CCDC150: variants seen among roughly 807,000 people sequenced by gnomAD.
CCDC150 encodes coiled-coil domain containing 150.
A neutral mutation model predicts 156.5 loss-of-function variants in CCDC150; 151 were observed. That is an observed-to-expected ratio of 0.97 (90% CI 0.85 to 1.10). The LOEUF (loss-of-function observed/expected upper bound fraction) is 1.10. Among genes scored for constraint, CCDC150 ranks in the 50% least tolerant of loss-of-function variants. The probability of loss-of-function intolerance (pLI) is 0.00; values close to 1 mark genes in which losing one functional copy is unlikely to be tolerated. For synonymous variants in CCDC150, 452 were observed against 429.4 expected, an observed-to-expected ratio of 1.05 and a Z score of -0.65; for missense variants, 1,312 against 1,268.1, an observed-to-expected ratio of 1.03 and a Z score of -0.53.
chr2:196,644,742 G>A (rs1205221998), intron 1 of CCDC150, among the ~76,000 whole-genome samples: 1 of 152,076 alleles, frequency 6.6e-6, no homozygotes, highest in Non-Finnish European at 1.5e-5. Context: ...TCTAAAGAAT[G>A]CAAAAAGCTT....
intron 13 of CCDC150, among the ~76,000 whole-genome samples, chr2:196,679,162 GTTAA>G (rs1231097054): frequency 6.6e-6 from 1 of 152,188 alleles, no homozygotes; most frequent in Admixed American, 6.5e-5. Flanking sequence ...AAAAAGTCAG[GTTAA>G]TTGTTATAAT....
chr2:196,680,707 CAT>C (rs1373244984), intron 13 of CCDC150, among the ~76,000 whole-genome samples: 1 of 152,116 alleles, frequency 6.6e-6, no homozygotes, highest in Non-Finnish European at 1.5e-5. Context: ...TTTGTGTAAA[CAT>C]ATGTTTTCAG....
chr2:196,668,264 T>C (rs1365868420), intron 7 of CCDC150, among the ~76,000 whole-genome samples: 1 of 125,736 alleles, frequency 8.0e-6, no homozygotes, highest in Non-Finnish European at 1.6e-5. Flanking sequence ...GCCATTGCAC[T>C]CCAGCCTGGG....
chr2:196,685,994 G>T (rs1245722582), intron 13 of CCDC150, among the ~76,000 whole-genome samples: 4 of 152,124 alleles, frequency 2.6e-5, no homozygotes, highest in Non-Finnish European at 5.9e-5. Context: ...GAAATCAGCT[G>T]TTAATCTTAC....
At chr2:196,713,156 G>A in intron 17 of CCDC150, 1 of 750,536 alleles carries the variant, frequency 1.3e-6, no homozygotes, top group Non-Finnish European at 1.9e-6. Context: ...TGACAGGGAA[G>A]TTGGCATAAG....
At chr2:196,661,296 T>C (rs1435854420) in intron 5 of CCDC150, among the ~76,000 whole-genome samples, 1 of 152,202 alleles carries the variant, frequency 6.6e-6, no homozygotes, top group Non-Finnish European at 1.5e-5. Context: ...ATTTATTTGT[T>C]GAAGTTCTGG....
intron 23 of CCDC150, 30 bp from the exon 24 acceptor site, chr2:196,729,763 C>G: frequency 2.1e-6 from 3 of 1,448,730 alleles, no homozygotes; most frequent in Non-Finnish European, 2.8e-6. Flanking sequence ...CACTGATCAT[C>G]TTTTTATGTT....
In CCDC150 at chr2:196,656,693, TATCCA is replaced by T; in HGVS notation, c.239_243del (p.Ile80LysfsTer2). On this transcript the variant is annotated frameshift_variant, in exon 3 of 28. Transcript: ENST00000389175. LOFTEE classifies it high-confidence loss of function. Reference sequence around the variant, plus strand: ...TGGACAGCCAGAAAGTCATTAGTCCTATCCAAAATGAAGCAATTTGTGCAGGAAAA... The same window carrying T: ...TGGACAGCCAGAAAGTCATTAGTCCTAAATGAAGCAATTTGTGCAGGAAAA... 1 of 1,613,718 alleles carries T rather than the reference TATCCA, an allele frequency of 6.2e-7. No individual in the cohort carries two copies. Among genetic ancestry groups the T allele is most frequent in the Non-Finnish European group, 8.5e-7 (1 of 1,179,754 alleles).
At position 196,657,127 on chromosome 2, in the gene CCDC150, G is replaced by A. The variant is rs146046280; in HGVS notation, c.567G>A (p.Ser189=). ...QRLTATLKIA[S]QTKKNAAIIE... ...TGACTGCCACTCTGAAGATTGCCTC[G>A]CAGACAAAGGTTTGAGTCTAAGAGT... Residue 189 remains serine (S), a synonymous_variant, in exon 4 of 28, where the codon TCG becomes TCA. Coordinates refer to ENST00000389175, the MANE Select transcript of CCDC150 (RefSeq NM_001080539.2). 7.1e-5 allele frequency: 114 copies of A among 1,613,542 alleles called. No homozygotes were observed. The Middle Eastern group carries it at 8.3e-4, about 12-fold the overall frequency.
At chr2:196,712,083 A>AAT in intron 15 of CCDC150, 62 bp from the exon 16 acceptor site, 1 of 652,062 alleles carries the variant, frequency 1.5e-6, no homozygotes, top group Non-Finnish European at 2.6e-6. Flanking sequence ...AATATGTGTA[A>AAT]ATATATATGT....
chr2:196,703,340 A>T (rs1696368055), intron 15 of CCDC150, among the ~76,000 whole-genome samples: 1 of 152,208 alleles, frequency 6.6e-6, no homozygotes, highest in Non-Finnish European at 1.5e-5. Context: ...TTACTAGAAC[A>T]ATAAAAAGAA....
At chr2:196,663,103 G>C (rs1693645836) in intron 5 of CCDC150, among the ~76,000 whole-genome samples, 1 of 152,040 alleles carries the variant, frequency 6.6e-6, no homozygotes, top group Non-Finnish European at 1.5e-5. Context: ...GCTGGGCATG[G>C]TGGCACACTC....
At chr2:196,711,572 A>G (rs1697116241) in intron 15 of CCDC150, among the ~76,000 whole-genome samples, 1 of 152,236 alleles carries the variant, frequency 6.6e-6, no homozygotes, top group Non-Finnish European at 1.5e-5. Context: ...GTCCTCCAAA[A>G]TGATAATTTT....
At chr2:196,719,978 T>C (rs1395160644) in intron 19 of CCDC150, among the ~76,000 whole-genome samples, 1 of 152,198 alleles carries the variant, frequency 6.6e-6, no homozygotes, top group Non-Finnish European at 1.5e-5. Flanking sequence ...TTTCCTTGCT[T>C]CTACAGAATA....
intron 23 of CCDC150, 34 bp from the exon 24 acceptor site, chr2:196,729,759 T>C: frequency 9.2e-6 from 13 of 1,415,546 alleles, no homozygotes; most frequent in Non-Finnish European, 1.3e-5. Context: ...TTTCCACTGA[T>C]CATCTTTTTA....
chr2:196,730,101 C>T lies in CCDC150; in HGVS notation c.2965C>T (p.Leu989=), dbSNP rs1302646183. Residue 989 remains leucine, a synonymous_variant, in exon 25 of 28, where the codon CTA becomes TTA. Transcript: ENST00000389175. ...LEAERKIRQE[L]ENRCQELEET... is the part of the protein sequence containing the mutation. The stretch of plus-strand genomic sequence containing the variant: ...AGCAGAGCGGAAAATAAGGCAGGAG[C>T]TAGAGAATCGGTGCCAGGTAAAAGG... 1.9e-6 allele frequency: 3 copies of T among 1,606,294 alleles called. No homozygotes were observed. Among genetic ancestry groups the T allele is most frequent in the Non-Finnish European group, 2.5e-6 (3 of 1,177,180 alleles).
intron 4 of CCDC150, 65 bp downstream of exon 4, chr2:196,657,201 C>A: frequency 1.4e-6 from 2 of 1,467,004 alleles, no homozygotes; most frequent in South Asian, 2.5e-5. Flanking sequence ...AGGTAACAGA[C>A]CTATGACGCG....
intron 17 of CCDC150, among the ~76,000 whole-genome samples, chr2:196,717,458 A>G (rs552244545): frequency 3.9e-5 from 6 of 152,348 alleles, no homozygotes; most frequent in African/African-American, 1.4e-4. Flanking sequence ...GCATCCACAC[A>G]TAGATGAATG....
intron 13 of CCDC150, among the ~76,000 whole-genome samples, chr2:196,692,121 ATTTTTTTTTTTTTTT>A (rs1161513452): frequency 1.6e-5 from 1 of 62,022 alleles, no homozygotes; most frequent in African/African-American, 6.9e-5. Context: ...TTGAGATCTA[ATTTTTTTTTTTTTTT>A]TTTTTTTTTG....
Sources: allele counts gnomAD v4.1 joint callset (sites outside exome capture counted in the v4.1 genomes callset), GRCh38; gene constraint gnomAD v4.1.1; transcripts MANE v1.5; gene names NCBI Gene and HGNC (gene_info 2026-07-23, HGNC 2026-07-21).